The following TBC1D22A variants were observed in gnomAD, a reference collection of about 807,000 sequenced individuals.
TBC1D22A encodes the protein TBC1 domain family member 22A, also known as putative GTPase activator.
Under a neutral mutation model 60.2 loss-of-function variants are expected in TBC1D22A, and 38 were observed. That is an observed-to-expected ratio of 0.63 (90% CI 0.49 to 0.83). The LOEUF (loss-of-function observed/expected upper bound fraction) is 0.83, where lower values mean the gene tolerates loss of function less well. TBC1D22A is among the 40% of genes least tolerant of loss of function. The pLI is 0.00. For synonymous variants in TBC1D22A, 302 were observed against 281.7 expected, an observed-to-expected ratio of 1.07 and a Z score of -0.72; for missense variants, 628 against 701.0, an observed-to-expected ratio of 0.90 and a Z score of 1.18.
chr22:47,016,614 G>T (rs909452161), intron 10 of TBC1D22A, among the ~76,000 whole-genome samples: 1 of 152,246 alleles, frequency 6.6e-6, no homozygotes, highest in South Asian at 2.1e-4. Flanking sequence ...GAACTCTGCC[G>T]TCCCGAAGCT....
At chr22:46,915,448 C>T in intron 8 of TBC1D22A, 1 of 456,646 alleles carries the variant, frequency 2.2e-6, no homozygotes, top group Non-Finnish European at 4.4e-6. Context: ...ACCTGCCAGT[C>T]CTTGGGCCTC....
intron 4 of TBC1D22A, among the ~76,000 whole-genome samples, chr22:46,871,049 A>G (rs1468757690): frequency 6.6e-6 from 1 of 152,242 alleles, no homozygotes; most frequent in Non-Finnish European, 1.5e-5. Flanking sequence ...TGCAAGCTCT[A>G]ATCACAAGAA....
At chr22:46,941,791 A>AATATATATAGAAT (rs1555960407) in intron 8 of TBC1D22A, among the ~76,000 whole-genome samples, 1 of 139,768 alleles carries the variant, frequency 7.2e-6, no homozygotes, top group Non-Finnish European at 1.5e-5. Flanking sequence ...ATATATATAG[A>AATATATATAGAAT]ATATATAGAA....
chr22:46,818,799 G>A (rs568573966), intron 4 of TBC1D22A, among the ~76,000 whole-genome samples: 60 of 152,302 alleles, frequency 3.9e-4, no homozygotes, highest in African/African-American at 1.4e-3. Context: ...GATGGGAATA[G>A]CATTGAATCT....
intron 3 of TBC1D22A, among the ~76,000 whole-genome samples, chr22:46,796,141 G>T (rs1254713281): frequency 1.3e-5 from 2 of 152,184 alleles, no homozygotes; most frequent in African/African-American, 2.4e-5. Flanking sequence ...AGATCCTCCT[G>T]GGGGTTGGGG....
At chr22:47,098,751 C>G (rs534022068) in intron 11 of TBC1D22A, among the ~76,000 whole-genome samples, 1 of 152,214 alleles carries the variant, frequency 6.6e-6, no homozygotes, top group East Asian at 1.9e-4. Flanking sequence ...CCCTGTTGCC[C>G]GTTAACTTTG....
At chr22:46,915,332 A>G in intron 8 of TBC1D22A, 1 of 448,278 alleles carries the variant, frequency 2.2e-6, no homozygotes, top group Non-Finnish European at 4.5e-6. Flanking sequence ...CTGGGTCTTC[A>G]AGCCGGTAAA....
intron 10 of TBC1D22A, among the ~76,000 whole-genome samples, chr22:47,010,946 C>T (rs565586047): frequency 5.3e-5 from 8 of 152,162 alleles, no homozygotes; most frequent in East Asian, 1.9e-4. Context: ...TGGGCTGCTG[C>T]GGGGAATGAT....
chr22:46,991,512 C>T (rs1358524720), intron 9 of TBC1D22A, among the ~76,000 whole-genome samples: 2 of 152,212 alleles, frequency 1.3e-5, no homozygotes, highest in African/African-American at 2.4e-5. Flanking sequence ...GTGCATGAGC[C>T]GAGCAGTCAG....
intron 8 of TBC1D22A, among the ~76,000 whole-genome samples, chr22:46,951,676 C>T (rs2072911196): frequency 6.6e-6 from 1 of 152,150 alleles, no homozygotes; most frequent in African/African-American, 2.4e-5. Flanking sequence ...GTAAAGTGGA[C>T]GAGTGTCTCA....
At position 46,948,522 on chromosome 22, in the gene TBC1D22A, G is replaced by A. The variant is rs550617884; in HGVS notation, c.1016-25768G>A. Among the ~76,000 whole-genome samples, 239 of 152,260 alleles carry A rather than the reference G, an allele frequency of 1.6e-3. 1 individual carries two copies. Among genetic ancestry groups the A allele is most frequent in the African/African-American group, 5.5e-3 (229 of 41,558 alleles). On this transcript the variant is annotated intron_variant, in intron 8 of 12. Coordinates refer to ENST00000337137, the MANE Select transcript of TBC1D22A (RefSeq NM_014346.5). ...TCATGAGCTTTGCTCATCCCCCCACGGTGGGTTTCTCACTCCGGGTGTGTA... is the reference window on the plus strand; with the variant it reads ...TCATGAGCTTTGCTCATCCCCCCACAGTGGGTTTCTCACTCCGGGTGTGTA...
At chr22:46,873,457 AT>A (rs1164300251) in intron 4 of TBC1D22A, among the ~76,000 whole-genome samples, 33 of 152,236 alleles carry the variant, frequency 2.2e-4, no homozygotes, top group Non-Finnish European at 4.0e-4. Context: ...GAAGTGTAAA[AT>A]GGTGCAATCA....
intron 12 of TBC1D22A, among the ~76,000 whole-genome samples, chr22:47,135,256 C>T (rs978614060): frequency 6.6e-6 from 1 of 152,200 alleles, no homozygotes; most frequent in Non-Finnish European, 1.5e-5. Flanking sequence ...CCAGTTAATC[C>T]CACGGTCCTT....
intron 10 of TBC1D22A, among the ~76,000 whole-genome samples, chr22:46,999,448 T>G (rs1317461569): frequency 2.0e-5 from 3 of 152,184 alleles, no homozygotes; most frequent in Non-Finnish European, 4.4e-5. Context: ...AATGAAACCT[T>G]AAGGAATTTC....
chr22:46,792,924 C>G, intron 2 of TBC1D22A: 2 of 1,347,820 alleles, frequency 1.5e-6, no homozygotes, highest in Non-Finnish European at 2.0e-6. Context: ...CCACCAGCTG[C>G]TGGAGCCCGG....
intron 10 of TBC1D22A, among the ~76,000 whole-genome samples, chr22:47,017,160 C>T (rs949337712): frequency 6.6e-6 from 1 of 152,174 alleles, no homozygotes; most frequent in East Asian, 1.9e-4. Context: ...TCTACATTTC[C>T]CAAGCTTGGT....
At chr22:46,853,376 T>C (rs1398960863) in intron 4 of TBC1D22A, among the ~76,000 whole-genome samples, 1 of 152,220 alleles carries the variant, frequency 6.6e-6, no homozygotes, top group African/African-American at 2.4e-5. Context: ...TACTCAACCG[T>C]ACCGTGGAAG....
intron 4 of TBC1D22A, among the ~76,000 whole-genome samples, chr22:46,821,652 C>T (rs932524872): frequency 7.9e-5 from 12 of 152,210 alleles, no homozygotes; most frequent in Admixed American, 7.9e-4. Flanking sequence ...GCCTTTCTCT[C>T]TGGCTGTTCT....
intron 11 of TBC1D22A, among the ~76,000 whole-genome samples, chr22:47,075,302 T>C (rs1376186822): frequency 1.3e-5 from 2 of 151,416 alleles, no homozygotes; most frequent in Admixed American, 6.6e-5. Flanking sequence ...CTTGTGTGTG[T>C]TGGGGGAGGC....
Sources: allele counts gnomAD v4.1 joint callset (sites outside exome capture counted in the v4.1 genomes callset), GRCh38; gene constraint gnomAD v4.1.1; transcripts MANE v1.5; gene names NCBI Gene and HGNC (gene_info 2026-07-23, HGNC 2026-07-21).